DNAI3: variants seen among roughly 807,000 people sequenced by gnomAD.
DNAI3 encodes the protein WD repeat domain 63.
Under a neutral mutation model 115.5 loss-of-function variants are expected in DNAI3, and 83 were observed. The observed-to-expected ratio is 0.72, with a 90% CI of 0.60 to 0.86. DNAI3 has a LOEUF of 0.86. Ranked by LOEUF, DNAI3 falls within the 40% of genes least tolerant of loss-of-function variation. The pLI is 0.00. For missense variants in DNAI3, 1,004 were observed against 1,075.8 expected (o/e 0.93, Z 0.93); for synonymous variants, 320 against 347.0 (o/e 0.92, Z 0.86).
In DNAI3 at chr1:85,083,595, AT is replaced by A. The variant is rs948249658; in HGVS notation, c.391-945del. On this transcript the variant is annotated intron_variant, in intron 5 of 22. Coordinates refer to ENST00000294664, the MANE Select transcript of DNAI3 (RefSeq NM_145172.5). ...TTTTATGATTGTTGTTCTGTTTTTAATTTTTTATTGTAATGAAATATTTTAA... is the reference window on the plus strand; with the variant it reads ...TTTTATGATTGTTGTTCTGTTTTTAATTTTTATTGTAATGAAATATTTTAA... Among the ~76,000 whole-genome samples, 172 of 152,194 alleles carry A rather than the reference AT, an allele frequency of 1.1e-3. 2 individuals are homozygous for A. The highest frequency in any genetic ancestry group is 3.9e-3 in the African/African-American group (163 of 41,538).
At chr1:85,128,112 G>T (rs1195159272) in intron 20 of DNAI3, among the ~76,000 whole-genome samples, 1 of 138,008 alleles carries the variant, frequency 7.2e-6, no homozygotes, top group Admixed American at 7.3e-5. Flanking sequence ...GCCACAGCGG[G>T]GAGACCCTGT....
In DNAI3 at chr1:85,117,799, G is replaced by A. The variant is rs368721093; in HGVS notation, c.1857G>A (p.Gly619=). 10 of 1,613,802 alleles carry A rather than the reference G, an allele frequency of 6.2e-6. No individual in the cohort carries two copies. Among genetic ancestry groups the A allele is most frequent in the Non-Finnish European group, 8.5e-6 (10 of 1,179,848 alleles). ...EMNPYHNLES[G]MANLLKPIDD... is the part of the protein sequence containing the mutation. ...ACCCGTATCATAATCTGGAAAGTGG[G>A]ATGGCCAATCTTCTCAAGCCAATAG... Residue 619 remains glycine, a synonymous_variant, in exon 17 of 23, where the codon GGG becomes GGA. Coordinates refer to ENST00000294664, the MANE Select transcript of DNAI3 (RefSeq NM_145172.5).
intron 11 of DNAI3, among the ~76,000 whole-genome samples, chr1:85,096,991 C>G (rs185557404): frequency 6.6e-6 from 1 of 152,116 alleles, no homozygotes; most frequent in Non-Finnish European, 1.5e-5. Context: ...CAATTCTGTA[C>G]TCCTGACATT....
chr1:85,072,039 G>A, intron 2 of DNAI3, 34 bp downstream of exon 2: 1 of 1,589,664 alleles, frequency 6.3e-7, no homozygotes, highest in Non-Finnish European at 8.6e-7. Context: ...GGGATTTTTT[G>A]TGGAGTATTT....
intron 17 of DNAI3, among the ~76,000 whole-genome samples, chr1:85,121,440 A>G (rs1655991174): frequency 6.6e-6 from 1 of 152,220 alleles, no homozygotes; most frequent in Non-Finnish European, 1.5e-5. Flanking sequence ...CCCTCCCTTT[A>G]CGGATCAACA....
At chr1:85,066,979 T>G (rs1654120399) in intron 1 of DNAI3, among the ~76,000 whole-genome samples, 1 of 152,164 alleles carries the variant, frequency 6.6e-6, no homozygotes, top group Non-Finnish European at 1.5e-5. Context: ...TACCCCCAAT[T>G]AAAAGTTATT....
In DNAI3 at chr1:85,133,055, A is replaced by G; in HGVS notation, c.*57A>G. Reference sequence around the variant, plus strand: ...TCTTCCCTCTATTTATTTTTATGTCAGGTGAACTGGCATGCTGAACATATA... The same window carrying G: ...TCTTCCCTCTATTTATTTTTATGTCGGGTGAACTGGCATGCTGAACATATA... On this transcript the variant is annotated 3_prime_UTR_variant, in exon 23 of 23. Transcript: ENST00000294664. 6.4e-7 allele frequency: 1 copy of G among 1,555,112 alleles called. No homozygotes were observed. The highest frequency in any genetic ancestry group is 8.7e-7 in the Non-Finnish European group (1 of 1,153,900).
chr1:85,064,580 ATGTT>A (rs369398116), intron 1 of DNAI3, among the ~76,000 whole-genome samples: 64 of 152,078 alleles, frequency 4.2e-4, no homozygotes, highest in Middle Eastern at 6.8e-3. Context: ...TTCTAAATCA[ATGTT>A]TGTTTGTTTG....
chr1:85,078,838 C>A (rs1654541605), intron 3 of DNAI3, among the ~76,000 whole-genome samples: 2 of 152,150 alleles, frequency 1.3e-5, no homozygotes, highest in South Asian at 4.1e-4. Flanking sequence ...TTACTGACTT[C>A]TAGATAAAGG....
intron 21 of DNAI3, among the ~76,000 whole-genome samples, chr1:85,129,324 T>C (rs1178756698): frequency 1.3e-5 from 2 of 152,200 alleles, no homozygotes; most frequent in Non-Finnish European, 2.9e-5. Flanking sequence ...TAAATGTATA[T>C]ACAATGAACA....
At chr1:85,123,310 T>C (rs1328833147) in intron 18 of DNAI3, among the ~76,000 whole-genome samples, 2 of 151,166 alleles carry the variant, frequency 1.3e-5, no homozygotes, top group Non-Finnish European at 2.9e-5. Context: ...ATTGTCTCAC[T>C]TGGAGACCTA....
At chr1:85,114,176 C>A (rs1311059962) in intron 16 of DNAI3, among the ~76,000 whole-genome samples, 1 of 151,988 alleles carries the variant, frequency 6.6e-6, no homozygotes, top group African/African-American at 2.4e-5. Context: ...CCACACCAGG[C>A]TAATTTTTGT....
chr1:85,103,155 C>G (rs1453459333), intron 13 of DNAI3, among the ~76,000 whole-genome samples: 5 of 152,294 alleles, frequency 3.3e-5, no homozygotes, highest in Middle Eastern at 6.8e-3. Flanking sequence ...GAAGCCCCAC[C>G]TCTGTTTATT....
At chr1:85,120,090 C>T (rs1481490457) in intron 17 of DNAI3, among the ~76,000 whole-genome samples, 2 of 152,246 alleles carry the variant, frequency 1.3e-5, no homozygotes, top group Non-Finnish European at 2.9e-5. Context: ...AACAGATACT[C>T]ACTGCACATT....
chr1:85,089,177 A>G (rs755639044), intron 7 of DNAI3, among the ~76,000 whole-genome samples: 8 of 152,054 alleles, frequency 5.3e-5, no homozygotes, highest in Non-Finnish European at 8.8e-5. Flanking sequence ...AACACATTCA[A>G]TCCTTACAAT....
intron 3 of DNAI3, among the ~76,000 whole-genome samples, chr1:85,077,875 TA>T (rs5775817): frequency 0.21 from 30,190 of 146,418 alleles, 3,050 homozygotes; most frequent in South Asian, 0.27. Context: ...ACCAAAATGT[TA>T]AAAAAAAAAA....
intron 19 of DNAI3, among the ~76,000 whole-genome samples, chr1:85,125,216 A>G (rs746297396): frequency 6.6e-6 from 1 of 152,118 alleles, no homozygotes; most frequent in Non-Finnish European, 1.5e-5. Context: ...TCAAAGCCTG[A>G]AACTATATAT....
chr1:85,063,508 T>C (rs1276451301), intron 1 of DNAI3, among the ~76,000 whole-genome samples: 2 of 152,206 alleles, frequency 1.3e-5, no homozygotes, highest in African/African-American at 4.8e-5. Context: ...CTATTTTGTT[T>C]TGCAAAATCT....
intron 1 of DNAI3, among the ~76,000 whole-genome samples, chr1:85,065,281 A>C (rs1654060865): frequency 6.6e-6 from 1 of 152,160 alleles, no homozygotes; most frequent in South Asian, 2.1e-4. Context: ...AAATGAGAGC[A>C]TGTAAACAGG....
Sources: gnomAD v4.1 joint callset for allele counts (sites outside exome capture counted in the v4.1 genomes callset) on GRCh38, gnomAD v4.1.1 for gene constraint, MANE v1.5 for transcripts, NCBI Gene and HGNC (gene_info 2026-07-23, HGNC 2026-07-21) for gene names.